The following CTNNA2 variants were observed in gnomAD, a reference collection of about 807,000 sequenced individuals.
The protein encoded by CTNNA2 is catenin alpha-2.
CTNNA2 carries 42 observed loss-of-function variants against 101.0 expected under a neutral mutation model. The ratio of observed to expected loss-of-function variants is 0.42; its 90% confidence interval spans 0.32 to 0.54. The LOEUF is 0.54. Among genes scored for constraint, CTNNA2 ranks in the 20% least tolerant of loss-of-function variants. The pLI is 0.14. For missense variants in CTNNA2, 871 were observed against 1,223.1 expected, an observed-to-expected ratio of 0.71 and a Z score of 4.29; for synonymous variants, 450 against 456.4, an observed-to-expected ratio of 0.99 and a Z score of 0.18.
At chr2:80,120,493 G>T (rs1701772279) in intron 7 of CTNNA2, among the ~76,000 whole-genome samples, 1 of 152,138 alleles carries the variant, frequency 6.6e-6, no homozygotes, top group Non-Finnish European at 1.5e-5. Context: ...ACTAAGGAAG[G>T]ATTTTTGTTC....
intron 2 of CTNNA2, among the ~76,000 whole-genome samples, chr2:79,247,929 C>CG (rs2104266975): frequency 6.6e-6 from 1 of 152,342 alleles, no homozygotes; most frequent in Admixed American, 6.5e-5. Context: ...GCCATGTCTA[C>CG]ACCTGGACTT....
intron 5 of CTNNA2, among the ~76,000 whole-genome samples, chr2:79,873,229 G>T (rs1020462020): frequency 2.0e-5 from 3 of 151,844 alleles, no homozygotes; most frequent in Non-Finnish European, 2.9e-5. Flanking sequence ...ACGTTTTCAG[G>T]TTTTCTGTCT....
At chr2:79,637,596 A>G (rs188098803) in intron 1 of CTNNA2, among the ~76,000 whole-genome samples, 37 of 152,278 alleles carry the variant, frequency 2.4e-4, no homozygotes, top group African/African-American at 8.9e-4. Flanking sequence ...TGCATGCTAG[A>G]AAGGTCTAGT....
At chr2:79,290,428 A>T (rs935268552) in intron 2 of CTNNA2, among the ~76,000 whole-genome samples, 1 of 152,102 alleles carries the variant, frequency 6.6e-6, no homozygotes, top group Non-Finnish European at 1.5e-5. Context: ...CCCTGTGCCC[A>T]CGGACCTAGG....
At chr2:80,477,838 T>A (rs1361488113) in intron 9 of CTNNA2, among the ~76,000 whole-genome samples, 4 of 152,092 alleles carry the variant, frequency 2.6e-5, no homozygotes, top group Non-Finnish European at 5.9e-5. Context: ...TTGTGAATTG[T>A]GCTGTGATAA....
chr2:79,416,976 A>G (rs1022980372), intron 4 of CTNNA2, among the ~76,000 whole-genome samples: 6 of 152,136 alleles, frequency 3.9e-5, no homozygotes, highest in Admixed American at 3.3e-4. Flanking sequence ...GAAATTTCTT[A>G]TATGAGATTT....
chr2:80,521,026 A>G (rs1689502379), intron 9 of CTNNA2, among the ~76,000 whole-genome samples: 1 of 152,126 alleles, frequency 6.6e-6, no homozygotes. Context: ...GTGAATGAGG[A>G]TGAGATGCAC....
chr2:79,776,233 G>A (rs1673953247), intron 3 of CTNNA2, among the ~76,000 whole-genome samples: 1 of 151,552 alleles, frequency 6.6e-6, no homozygotes, highest in South Asian at 2.1e-4. Flanking sequence ...CCTTAGATTG[G>A]TGTCTAATAA....
At chr2:80,490,545 G>A (rs1203622215) in intron 9 of CTNNA2, among the ~76,000 whole-genome samples, 2 of 152,020 alleles carry the variant, frequency 1.3e-5, no homozygotes, top group Non-Finnish European at 2.9e-5. Context: ...CTCTTTGTCT[G>A]TGGGATTATA....
chr2:79,242,838 T>C lies in CTNNA2; in HGVS notation c.-406+44762T>C, dbSNP rs1170605769. On this transcript the variant is annotated intron_variant, in intron 2 of 21. Coordinates refer to the CTNNA2 transcript ENST00000466387. Reference sequence around the variant, plus strand: ...AAAGCATCAGCCAGGCATGATGGTGTGCACCCGTGGCCTCAGCTACTCTGG... The same window carrying C: ...AAAGCATCAGCCAGGCATGATGGTGCGCACCCGTGGCCTCAGCTACTCTGG... 2.0e-5 allele frequency among the ~76,000 whole-genome samples: 3 copies of C among 151,750 alleles called. No homozygotes were observed. In the East Asian group the frequency reaches 5.8e-4, roughly 30 times the overall value.
At chr2:80,546,472 GT>G (rs958849179) in intron 11 of CTNNA2, among the ~76,000 whole-genome samples, 1 of 151,818 alleles carries the variant, frequency 6.6e-6, no homozygotes, top group Non-Finnish European at 1.5e-5. Context: ...GTTTTGTTTT[GT>G]TTTTTTTCCA....
intron 3 of CTNNA2, among the ~76,000 whole-genome samples, chr2:79,748,836 TAGA>T (rs2105015128): frequency 6.6e-6 from 1 of 152,190 alleles, no homozygotes; most frequent in South Asian, 2.1e-4. Flanking sequence ...AATATTCCAG[TAGA>T]AGATTTCCCT....
At chr2:79,738,238 T>C (rs933984613) in intron 2 of CTNNA2, among the ~76,000 whole-genome samples, 1 of 152,184 alleles carries the variant, frequency 6.6e-6, no homozygotes, top group South Asian at 2.1e-4. Flanking sequence ...GGGACCATTA[T>C]TAGATTAAGG....
chr2:80,440,131 G>A (rs1338153673), intron 9 of CTNNA2, among the ~76,000 whole-genome samples: 2 of 152,178 alleles, frequency 1.3e-5, no homozygotes, highest in Admixed American at 6.5e-5. Context: ...GTTATATTGA[G>A]AAAGTAGCAT....
chr2:79,293,727 A>C (rs753039858), intron 2 of CTNNA2, among the ~76,000 whole-genome samples: 15 of 152,194 alleles, frequency 9.9e-5, no homozygotes, highest in Admixed American at 5.2e-4. Context: ...CAACAAACAC[A>C]TTAGTGTGGG....
intron 2 of CTNNA2, among the ~76,000 whole-genome samples, chr2:79,657,023 T>A (rs945420921): frequency 6.7e-6 from 1 of 149,226 alleles, no homozygotes; most frequent in African/African-American, 2.5e-5. Context: ...AAAGAAAAGA[T>A]ATAAAAAATA....
At chr2:80,393,351 C>T in intron 8 of CTNNA2, 60 bp downstream of exon 8, 1 of 1,222,870 alleles carries the variant, frequency 8.2e-7, no homozygotes, top group Non-Finnish European at 1.2e-6. Context: ...CCAACAATAT[C>T]CTTTTCCAGG....
chr2:79,636,879 C>T (rs1680108849), intron 1 of CTNNA2: 2 of 152,054 alleles, frequency 1.3e-5, no homozygotes, highest in South Asian at 4.2e-4. Flanking sequence ...TTGGATGCTG[C>T]ATAAATTTGC....
intron 9 of CTNNA2, among the ~76,000 whole-genome samples, chr2:80,531,952 G>A (rs553069344): frequency 3.3e-5 from 5 of 152,260 alleles, no homozygotes; most frequent in African/African-American, 1.2e-4. Flanking sequence ...TTGGCTTGTG[G>A]GTCATATGGT....
Sources: gnomAD v4.1 joint callset for allele counts (sites outside exome capture counted in the v4.1 genomes callset) on GRCh38, gnomAD v4.1.1 for gene constraint, MANE v1.5 for transcripts, NCBI Gene and HGNC (gene_info 2026-07-23, HGNC 2026-07-21) for gene names.